SLC14A2: variants seen among roughly 807,000 people sequenced by gnomAD.
SLC14A2 encodes the protein solute carrier family 14 member 2.
A neutral mutation model predicts 104.6 loss-of-function variants in SLC14A2; 91 were observed. The ratio of observed to expected loss-of-function variants is 0.87; its 90% CI spans 0.73 to 1.04. The LOEUF is 1.04. Among genes scored for constraint, SLC14A2 ranks in the 50% least tolerant of loss-of-function variants. The probability of loss-of-function intolerance (pLI) is 0.00; values close to 1 mark genes in which losing one functional copy is unlikely to be tolerated. For synonymous variants in SLC14A2, 476 were observed against 466.4 expected (o/e 1.02, Z -0.27); for missense variants, 1,189 against 1,156.0 (o/e 1.03, Z -0.41).
At chr18:45,505,442 C>T (rs1221604859) in intron 2 of SLC14A2, among the ~76,000 whole-genome samples, 1 of 152,140 alleles carries the variant, frequency 6.6e-6, no homozygotes, top group Admixed American at 6.5e-5. Flanking sequence ...GGGTGAGGAG[C>T]CCACAGGGTA....
chr18:45,618,260 G>C (rs958901125), intron 1 of SLC14A2, among the ~76,000 whole-genome samples: 3 of 152,202 alleles, frequency 2.0e-5, no homozygotes, highest in South Asian at 4.1e-4. Context: ...AACTCTCCTT[G>C]CATCAATTGC....
chr18:45,410,925 C>T (rs567431601), intron 1 of SLC14A2, among the ~76,000 whole-genome samples: 1 of 152,306 alleles, frequency 6.6e-6, no homozygotes, highest in African/African-American at 2.4e-5. Flanking sequence ...TCTGTTTATA[C>T]ATAAGCATTA....
At chr18:45,374,277 G>A (rs997661928) in intron 1 of SLC14A2, among the ~76,000 whole-genome samples, 5 of 152,214 alleles carry the variant, frequency 3.3e-5, no homozygotes, top group Admixed American at 3.3e-4. Context: ...CTGGAAGAAA[G>A]AACAAATAAT....
chr18:45,518,699 T>C lies in SLC14A2; in HGVS notation c.-35+35377T>C, dbSNP rs117554674. 6.8e-3 allele frequency among the ~76,000 whole-genome samples: 1,035 copies of C among 152,332 alleles called. 10 individuals carry two copies. Among genetic ancestry groups the C allele is most frequent in the Non-Finnish European group, 0.01 (683 of 68,036 alleles). On this transcript the variant is annotated intron_variant, in intron 2 of 20. Coordinates refer to the SLC14A2 transcript ENST00000586448. ...GATAAAGACCAGAGTTGGCCCTTCC[T>C]CTGTGTTTTCAGAAAAAGACGGATA... is the stretch of plus-strand genomic sequence containing the variant.
chr18:45,236,273 GTGTGTATATGTGTATATATACATGTA>G lies in SLC14A2; in HGVS notation c.-125+23088_-125+23113del, dbSNP rs2084243682. Among the ~76,000 whole-genome samples the G allele has an allele frequency of 7.5e-5, 4 of 53,342 alleles. 1 individual carries two copies. The highest frequency in any genetic ancestry group is 2.8e-4 in the Admixed American group (1 of 3,520). 35.0% of individuals were successfully genotyped at this position (53,342 alleles called of 152,430 possible). On this transcript the variant is annotated intron_variant, in intron 1 of 20. Coordinates refer to the SLC14A2 transcript ENST00000586448. The stretch of plus-strand genomic sequence containing the variant: ...TATATATGTGTATATATACATGTAT[GTGTGTATATGTGTATATATACATGTA>G]TGTGTGTATATGTGTATATATACAT...
chr18:45,175,908 GCTT>G, the SLC14A2 span, among the ~76,000 whole-genome samples: 3 of 152,168 alleles, frequency 2.0e-5, no homozygotes, highest in Non-Finnish European at 4.4e-5. Flanking sequence ...GGGGCTGATT[GCTT>G]CTTCAAGTAT....
At chr18:45,653,537 AC>A (rs1345229432) in intron 10 of SLC14A2, among the ~76,000 whole-genome samples, 1 of 152,098 alleles carries the variant, frequency 6.6e-6, no homozygotes, top group Non-Finnish European at 1.5e-5. Context: ...ACAAAGCCAA[AC>A]AAAACATGTT....
chr18:45,329,969 G>T (rs942673993), intron 1 of SLC14A2, among the ~76,000 whole-genome samples: 1 of 152,144 alleles, frequency 6.6e-6, no homozygotes, highest in Non-Finnish European at 1.5e-5. Context: ...GTTATGTTGT[G>T]TGCAGTGACA....
chr18:45,523,909 T>A (rs2043553805), intron 2 of SLC14A2, among the ~76,000 whole-genome samples: 2 of 152,214 alleles, frequency 1.3e-5, no homozygotes, highest in African/African-American at 4.8e-5. Flanking sequence ...TTGAAGAAGA[T>A]TTTGTCATCA....
At chr18:45,582,526 C>T (rs1406078359) in intron 2 of SLC14A2, among the ~76,000 whole-genome samples, 1 of 152,062 alleles carries the variant, frequency 6.6e-6, no homozygotes, top group African/African-American at 2.4e-5. Context: ...ATGAGAAATA[C>T]CCCCACGCTT....
intron 1 of SLC14A2, among the ~76,000 whole-genome samples, chr18:45,235,150 C>G (rs2084212603): frequency 6.6e-6 from 1 of 152,170 alleles, no homozygotes; most frequent in Non-Finnish European, 1.5e-5. Flanking sequence ...TATATACTTT[C>G]AGCATCTTAT....
intron 1 of SLC14A2, among the ~76,000 whole-genome samples, chr18:45,465,959 C>T (rs911455027): frequency 6.6e-6 from 1 of 151,778 alleles, no homozygotes; most frequent in Non-Finnish European, 1.5e-5. Flanking sequence ...CTGTTAATAA[C>T]AAAAACAACA....
At position 45,666,212 on chromosome 18, in the gene SLC14A2, A is replaced by AC; in HGVS notation, c.1550_1551insC (p.Glu517AspfsTer4). 2 of 1,611,128 alleles carry AC rather than the reference A, an allele frequency of 1.2e-6. No homozygotes were observed. The highest frequency in any genetic ancestry group is 2.2e-5 in the South Asian group (2 of 90,998). On this transcript the variant is annotated frameshift_variant, in exon 12 of 20. Transcript: ENST00000255226. LOFTEE classifies it high-confidence loss of function. ...TATCGATACCGGAAGCCCACAGTCG[A>AC]GCTGCTTGTGAGTACTGAGTGTCCT...
At chr18:45,240,333 G>A (rs2084300486) in intron 1 of SLC14A2, among the ~76,000 whole-genome samples, 1 of 151,794 alleles carries the variant, frequency 6.6e-6, no homozygotes, top group African/African-American at 2.4e-5. Context: ...CTGACCTCGT[G>A]ATCAGCCCAC....
chr18:45,463,381 T>A (rs1229794130), intron 1 of SLC14A2, among the ~76,000 whole-genome samples: 1 of 152,194 alleles, frequency 6.6e-6, no homozygotes, highest in Non-Finnish European at 1.5e-5. Context: ...ATGACAAAGA[T>A]GATCCCTACT....
intron 1 of SLC14A2, among the ~76,000 whole-genome samples, chr18:45,348,768 C>T (rs879298498): frequency 4.3e-4 from 65 of 152,138 alleles, no homozygotes; most frequent in African/African-American, 1.2e-3. Flanking sequence ...GTGGCTTGCC[C>T]GGGACAACAC....
chr18:45,187,126 T>G, the SLC14A2 span, among the ~76,000 whole-genome samples: 3 of 152,156 alleles, frequency 2.0e-5, no homozygotes, highest in Non-Finnish European at 4.4e-5. Context: ...CCCAGGAATA[T>G]TCTGCATTTC....
At chr18:45,263,678 A>T (rs150725304) in intron 1 of SLC14A2, among the ~76,000 whole-genome samples, 2 of 152,278 alleles carry the variant, frequency 1.3e-5, no homozygotes, top group East Asian at 1.9e-4. Context: ...GTGTTTATGT[A>T]TATCGGTTTA....
chr18:45,345,169 GAAAT>G (rs763200011), intron 1 of SLC14A2, among the ~76,000 whole-genome samples: 4 of 152,186 alleles, frequency 2.6e-5, no homozygotes, highest in Non-Finnish European at 4.4e-5. Context: ...CCCACAGTGA[GAAAT>G]AAAGAAAGCT....
Sources: gnomAD v4.1 joint callset for allele counts (sites outside exome capture counted in the v4.1 genomes callset) on GRCh38, gnomAD v4.1.1 for gene constraint, MANE v1.5 for transcripts, NCBI Gene and HGNC (gene_info 2026-07-23, HGNC 2026-07-21) for gene names.